SUCLG2: variants seen among roughly 807,000 people sequenced by gnomAD.
SUCLG2 encodes succinate-CoA ligase GDP-forming subunit beta.
In SUCLG2, 42 loss-of-function variants were observed where a neutral mutation model predicts 47.9. That is an observed-to-expected ratio of 0.88 (90% CI 0.69 to 1.14). SUCLG2 has a LOEUF of 1.14. Ranked by LOEUF, SUCLG2 falls within the 50% of genes most tolerant of loss-of-function variation. SUCLG2 has a pLI of 0.00. For missense variants in SUCLG2, 571 were observed against 525.9 expected (o/e 1.09, Z -0.84); for synonymous variants, 195 against 197.3 (o/e 0.99, Z 0.10).
At chr3:67,392,518 T>C (rs1045609621) in intron 10 of SUCLG2, among the ~76,000 whole-genome samples, 2 of 152,210 alleles carry the variant, frequency 1.3e-5, no homozygotes, top group Non-Finnish European at 2.9e-5. Flanking sequence ...AATAATCTAC[T>C]ATATTTGGCC....
intron 10 of SUCLG2, 147 bp downstream of exon 10, chr3:67,400,584 G>A (rs1575671401): frequency 1.0e-6 from 1 of 959,800 alleles, no homozygotes. Context: ...TAGAGGCCCA[G>A]GGAAGTCCTG....
chr3:67,370,876 C>G (rs1369409468), downstream of SUCLG2, among the ~76,000 whole-genome samples: 1 of 152,098 alleles, frequency 6.6e-6, no homozygotes, highest in South Asian at 2.1e-4. Flanking sequence ...TAATACAAGG[C>G]TATTTATTTA....
intron 9 of SUCLG2, among the ~76,000 whole-genome samples, chr3:67,421,388 AAAG>A (rs1252726357): frequency 6.6e-6 from 1 of 152,178 alleles, no homozygotes; most frequent in Non-Finnish European, 1.5e-5. Context: ...AAAAACAATC[AAAG>A]AAGCAGGGAT....
chr3:67,375,381 A>G lies in SUCLG2; in HGVS notation c.*363T>C. On this transcript the variant is annotated 3_prime_UTR_variant, in exon 11 of 11. Transcript: ENST00000307227. Reference sequence around the variant, plus strand: ...GGTCTGTTTTTCTTTTTCATTATGTAGGATTAGATGCCCACCAAAATTCTT... The same window carrying G: ...GGTCTGTTTTTCTTTTTCATTATGTGGGATTAGATGCCCACCAAAATTCTT... 1.0e-6 allele frequency: 1 copy of G among 991,796 alleles called. No homozygotes were observed. Among genetic ancestry groups the G allele is most frequent in the Non-Finnish European group, 1.2e-6 (1 of 834,222 alleles). 61.4% of individuals were successfully genotyped at this position (991,796 alleles called of 1,614,324 possible).
intron 2 of SUCLG2, among the ~76,000 whole-genome samples, chr3:67,546,561 C>A (rs758705561): frequency 9.2e-5 from 14 of 152,230 alleles, no homozygotes; most frequent in Admixed American, 3.9e-4. Context: ...ATGGTGAAAC[C>A]CCGTCTCTAC....
Position 67,590,274 on chromosome 3 carries a change from C to T in SUCLG2, c.226+19181G>A, listed in dbSNP as rs547371804. Among the ~76,000 whole-genome samples the T allele has an allele frequency of 5.3e-5, 8 of 152,320 alleles. No individual in the cohort carries two copies. The South Asian group carries it at 1.7e-3, about 32-fold the overall frequency. ...TTTCCCACATACCTCCCTGTGTATTCCAGCAAGTGAGAATGATGATAATTT... is the reference window on the plus strand; with the variant it reads ...TTTCCCACATACCTCCCTGTGTATTTCAGCAAGTGAGAATGATGATAATTT... On this transcript the variant is annotated intron_variant, in intron 2 of 10. Transcript: ENST00000307227.
At chr3:67,397,821 G>C (rs112257670) in intron 10 of SUCLG2, among the ~76,000 whole-genome samples, 10,732 of 151,692 alleles carry the variant, frequency 0.071, 390 homozygotes, top group Middle Eastern at 0.13. Flanking sequence ...CCAAAACAGA[G>C]ATATAGATCA....
intron 9 of SUCLG2, among the ~76,000 whole-genome samples, chr3:67,442,703 A>T (rs531529699): frequency 2.3e-4 from 35 of 152,322 alleles, no homozygotes; most frequent in African/African-American, 8.4e-4. Context: ...TCCTACAGAG[A>T]CTTTGTGGTG....
chr3:67,534,573 T>A (rs909937858), intron 2 of SUCLG2, among the ~76,000 whole-genome samples: 2 of 151,722 alleles, frequency 1.3e-5, no homozygotes, highest in East Asian at 1.9e-4. Context: ...GGTGATAAAA[T>A]TTTTAAAGGT....
downstream of SUCLG2, among the ~76,000 whole-genome samples, chr3:67,372,431 A>T (rs934550464): frequency 6.6e-6 from 1 of 152,212 alleles, no homozygotes; most frequent in African/African-American, 2.4e-5. Context: ...TTCCAAGACT[A>T]AACAATGCAT....
At chr3:67,421,288 C>T (rs1347483178) in intron 9 of SUCLG2, among the ~76,000 whole-genome samples, 1 of 152,156 alleles carries the variant, frequency 6.6e-6, no homozygotes, top group East Asian at 1.9e-4. Flanking sequence ...TGCCAGAGTA[C>T]CCCACATATG....
In SUCLG2 at chr3:67,364,191, T is replaced by C. The variant is rs113174623; in HGVS notation, c.1184-3423A>G. 6.6e-3 allele frequency among the ~76,000 whole-genome samples: 1,012 copies of C among 152,284 alleles called. 9 individuals are homozygous for C. The highest frequency in any genetic ancestry group is 0.027 in the Middle Eastern group (8 of 294). ...GGGGAGCTCTGACTTTCACCCTCAC[T>C]AGACTATAAGGAGGAACCCAATCTC... On this transcript the variant is annotated intron_variant, in intron 10 of 10. Transcript: ENST00000493112.
intron 2 of SUCLG2, among the ~76,000 whole-genome samples, chr3:67,531,888 C>A (rs752297453): frequency 2.6e-5 from 4 of 152,060 alleles, no homozygotes; most frequent in African/African-American, 9.7e-5. Context: ...TCAGTATTTA[C>A]CAAATTGATT....
At chr3:67,562,103 A>G (rs1707323381) in intron 2 of SUCLG2, among the ~76,000 whole-genome samples, 1 of 152,154 alleles carries the variant, frequency 6.6e-6, no homozygotes, top group South Asian at 2.1e-4. Flanking sequence ...ACTACTGTAA[A>G]TACTTAAAGA....
chr3:67,473,985 TG>T, intron 9 of SUCLG2, among the ~76,000 whole-genome samples: 1 of 152,226 alleles, frequency 6.6e-6, no homozygotes, highest in South Asian at 2.1e-4. Flanking sequence ...AGGTCAGGCA[TG>T]GTGGCTCACG....
intron 1 of SUCLG2, among the ~76,000 whole-genome samples, chr3:67,620,323 C>A (rs1235341446): frequency 9.2e-6 from 1 of 109,052 alleles, no homozygotes; most frequent in Non-Finnish European, 1.9e-5. Flanking sequence ...GTGGCTCACA[C>A]CCGTTAACCC....
intron 10 of SUCLG2, among the ~76,000 whole-genome samples, chr3:67,392,988 T>C (rs192284501): frequency 1.1e-4 from 17 of 152,202 alleles, no homozygotes; most frequent in Non-Finnish European, 2.2e-4. Context: ...GAGATCACTG[T>C]ACTTTTTACT....
At chr3:67,636,082 C>A (rs991923705) in intron 1 of SUCLG2, among the ~76,000 whole-genome samples, 3 of 152,274 alleles carry the variant, frequency 2.0e-5, no homozygotes, top group Admixed American at 6.5e-5. Flanking sequence ...GGAACACTAA[C>A]TCATGAACAG....
intron 10 of SUCLG2, among the ~76,000 whole-genome samples, chr3:67,387,313 T>G (rs1214540544): frequency 6.6e-6 from 1 of 152,214 alleles, no homozygotes; most frequent in Non-Finnish European, 1.5e-5. Context: ...ATTAAAATGT[T>G]GATGTCAGAC....
Sources: gnomAD v4.1 joint callset for allele counts (sites outside exome capture counted in the v4.1 genomes callset) on GRCh38, gnomAD v4.1.1 for gene constraint, MANE v1.5 for transcripts, NCBI Gene and HGNC (gene_info 2026-07-23, HGNC 2026-07-21) for gene names.